Variants in CDH12 observed in about 807,000 individuals in gnomAD.
The protein encoded by CDH12 is cadherin-12.
Under a neutral mutation model 74.1 loss-of-function variants are expected in CDH12, and 41 were observed. The ratio of observed to expected loss-of-function variants is 0.55; its 90% CI spans 0.43 to 0.72. CDH12 has a LOEUF of 0.72. Ranked by LOEUF, CDH12 falls within the 30% of genes least tolerant of loss-of-function variation. CDH12 has a pLI of 0.00. For missense variants in CDH12, 945 were observed against 977.2 expected (o/e 0.97, Z 0.44); for synonymous variants, 399 against 355.0 (o/e 1.12, Z -1.39).
At chr5:22,133,619 T>A (rs1746293683) in intron 4 of CDH12, among the ~76,000 whole-genome samples, 1 of 152,112 alleles carries the variant, frequency 6.6e-6, no homozygotes, top group African/African-American at 2.4e-5. Context: ...AATCTGATTG[T>A]CAGAACCACT....
intron 4 of CDH12, among the ~76,000 whole-genome samples, chr5:22,155,290 G>A (rs1041616319): frequency 1.8e-4 from 27 of 152,170 alleles, no homozygotes; most frequent in African/African-American, 6.0e-4. Flanking sequence ...ATGTAGAAGC[G>A]AAACTATTGC....
At chr5:22,194,551 C>T (rs566025063) in intron 4 of CDH12, among the ~76,000 whole-genome samples, 69 of 151,974 alleles carry the variant, frequency 4.5e-4, no homozygotes, top group African/African-American at 1.5e-3. Flanking sequence ...AGGCTGGTCT[C>T]GAACTCTTGA....
At chr5:22,175,315 T>C (rs1749268850) in intron 4 of CDH12, among the ~76,000 whole-genome samples, 1 of 151,706 alleles carries the variant, frequency 6.6e-6, no homozygotes, top group Non-Finnish European at 1.5e-5. Context: ...TAGTAAACCA[T>C]CTATCCATGT....
In CDH12 at chr5:22,128,804, C is replaced by T. The variant is rs192737694; in HGVS notation, c.-186-49942G>A. Among the ~76,000 whole-genome samples, 398 of 152,244 alleles carry T rather than the reference C, an allele frequency of 2.6e-3. 5 individuals carry two copies. Among genetic ancestry groups the T allele is most frequent in the African/African-American group, 9.0e-3 (373 of 41,562 alleles). On this transcript the variant is annotated intron_variant, in intron 4 of 14. Transcript: ENST00000382254. ...ACAAGAATAATCTGATGCTACTTTT[C>T]ATTTGTCAAGTACATTTTCTAAATT...
intron 3 of CDH12, among the ~76,000 whole-genome samples, chr5:22,310,109 C>G (rs941598323): frequency 4.6e-5 from 7 of 151,786 alleles, no homozygotes; most frequent in African/African-American, 1.7e-4. Context: ...TGTAGCAAAT[C>G]TGTATGTTCT....
In CDH12 at chr5:22,081,956, G is replaced by A. The variant is rs557216499; in HGVS notation, c.-186-3094C>T. Among the ~76,000 whole-genome samples, 4 of 152,298 alleles carry A rather than the reference G, an allele frequency of 2.6e-5. No individual in the cohort carries two copies. The East Asian group carries it at 7.7e-4, about 29-fold the overall frequency. On this transcript the variant is annotated intron_variant, in intron 4 of 14. Coordinates refer to ENST00000382254, the MANE Select transcript of CDH12 (RefSeq NM_004061.5). ...TAAATTTAACATGCAAAGTGCAGTA[G>A]TCCCCATTTATATGTGAAGAATGTG...
chr5:22,367,492 T>G (rs936332409), intron 3 of CDH12, among the ~76,000 whole-genome samples: 1 of 152,182 alleles, frequency 6.6e-6, no homozygotes, highest in African/African-American at 2.4e-5. Flanking sequence ...CAGAATTGGA[T>G]TTGTGTTATT....
intron 5 of CDH12, among the ~76,000 whole-genome samples, chr5:22,060,188 C>T (rs574718870): frequency 1.3e-5 from 2 of 152,020 alleles, no homozygotes; most frequent in African/African-American, 4.8e-5. Context: ...TGAAGCTGGA[C>T]ACCATCATCC....
At chr5:21,830,881 C>CAA (rs70957071) in intron 8 of CDH12, among the ~76,000 whole-genome samples, 2 of 151,012 alleles carry the variant, frequency 1.3e-5, no homozygotes, top group South Asian at 2.1e-4. Context: ...ACTAAAAATA[C>CAA]AAAAAAAATT....
intron 1 of CDH12, among the ~76,000 whole-genome samples, chr5:22,615,986 G>C (rs879739041): frequency 3.9e-5 from 6 of 152,120 alleles, no homozygotes; most frequent in Non-Finnish European, 8.8e-5. Flanking sequence ...AAGGCTTTAA[G>C]AAAGATAGAT....
intron 3 of CDH12, among the ~76,000 whole-genome samples, chr5:22,317,261 T>A (rs1256845462): frequency 6.6e-6 from 1 of 152,034 alleles, no homozygotes; most frequent in Admixed American, 6.6e-5. Flanking sequence ...GAGATTGCAG[T>A]GGGCCAAGAT....
intron 1 of CDH12, among the ~76,000 whole-genome samples, chr5:22,709,087 G>A (rs1743164443): frequency 6.6e-6 from 1 of 152,082 alleles, no homozygotes; most frequent in Admixed American, 6.6e-5. Context: ...TTTTCCTACC[G>A]ACACCAAAAA....
Position 21,791,803 on chromosome 5 carries a change from C to T in CDH12, c.1257-8309G>A, listed in dbSNP as rs560845341. Among the ~76,000 whole-genome samples the T allele has an allele frequency of 6.1e-4, 93 of 151,778 alleles. 1 individual carries two copies. The highest frequency in any genetic ancestry group is 1.1e-3 in the Non-Finnish European group (75 of 67,816). ...TATACTGTAAATTAGTTTTCAGAAA[C>T]GCCTTTAAAATTTTTATTCTATTTA... On this transcript the variant is annotated intron_variant, in intron 10 of 14. Transcript: ENST00000382254.
At chr5:22,122,755 G>A (rs1745601282) in intron 4 of CDH12, among the ~76,000 whole-genome samples, 1 of 152,180 alleles carries the variant, frequency 6.6e-6, no homozygotes, top group Non-Finnish European at 1.5e-5. Flanking sequence ...TCAGCTGAAG[G>A]CTTGAATAAA....
intron 1 of CDH12, among the ~76,000 whole-genome samples, chr5:22,569,441 C>T (rs867674209): frequency 9.9e-5 from 15 of 152,204 alleles, no homozygotes; most frequent in South Asian, 2.1e-4. Flanking sequence ...TGATGCCATG[C>T]TTCCTGTACA....
intron 3 of CDH12, among the ~76,000 whole-genome samples, chr5:22,328,187 A>G (rs188168961): frequency 5.0e-4 from 76 of 152,350 alleles, no homozygotes; most frequent in Middle Eastern, 3.4e-3. Context: ...TTGAAACTAA[A>G]TGATTGTCTT....
At chr5:22,105,661 G>A (rs1405802346) in intron 4 of CDH12, among the ~76,000 whole-genome samples, 1 of 151,276 alleles carries the variant, frequency 6.6e-6, no homozygotes, top group African/African-American at 2.4e-5. Flanking sequence ...TTGTGCCACT[G>A]CACTCCAGCC....
chr5:22,743,429 T>C (rs1428274833), intron 1 of CDH12, among the ~76,000 whole-genome samples: 1 of 151,810 alleles, frequency 6.6e-6, no homozygotes, highest in Non-Finnish European at 1.5e-5. Flanking sequence ...GTATTGACAC[T>C]ATAAATTGGA....
chr5:22,091,692 A>T (rs145112356), intron 4 of CDH12, among the ~76,000 whole-genome samples: 6 of 152,150 alleles, frequency 3.9e-5, no homozygotes, highest in African/African-American at 1.4e-4. Context: ...CAGCAATTGA[A>T]ATGTTCATTC....
Sources: allele counts gnomAD v4.1 joint callset (sites outside exome capture counted in the v4.1 genomes callset), GRCh38; gene constraint gnomAD v4.1.1; transcripts MANE v1.5; gene names NCBI Gene and HGNC (gene_info 2026-07-23, HGNC 2026-07-21).